Variants in INTS6 observed in about 807,000 individuals in gnomAD.
The protein encoded by INTS6 is DEAD box protein.
A neutral mutation model predicts 104.9 loss-of-function variants in INTS6; 16 were observed. That is an observed-to-expected ratio of 0.15 (90% CI 0.10 to 0.23). INTS6 has a LOEUF of 0.23. Among genes scored for constraint, INTS6 ranks in the 10% least tolerant of loss-of-function variants. The pLI, the probability that INTS6 is intolerant of heterozygous loss-of-function variation, is 1.00. For synonymous variants in INTS6, 324 were observed against 358.7 expected (o/e 0.90, Z 1.09); for missense variants, 584 against 1,062.8 (o/e 0.55, Z 6.26).
intron 4 of INTS6, among the ~76,000 whole-genome samples, chr13:51,399,160 T>C (rs1175536683): frequency 2.6e-5 from 4 of 152,210 alleles, no homozygotes; most frequent in Non-Finnish European, 5.9e-5. Context: ...CTACATACAA[T>C]GGTAGATCGT....
At chr13:51,442,675 G>A (rs1192814962) in intron 3 of INTS6, 2 of 152,588 alleles carry the variant, frequency 1.3e-5, no homozygotes, top group African/African-American at 2.4e-5. Flanking sequence ...AGCAGCATTA[G>A]ATTCTCATAG....
At chr13:51,388,895 C>T (rs943349767) in intron 6 of INTS6, among the ~76,000 whole-genome samples, 1 of 80,128 alleles carries the variant, frequency 1.2e-5, no homozygotes, top group African/African-American at 1.1e-4. Context: ...TCATTTTTGA[C>T]CCACAATAAA....
intron 4 of INTS6, among the ~76,000 whole-genome samples, chr13:51,417,375 T>C (rs1956806607): frequency 1.3e-5 from 2 of 152,090 alleles, no homozygotes; most frequent in South Asian, 4.1e-4. Flanking sequence ...CTTTTGCATA[T>C]AAGGTAGAGG....
At chr13:51,382,894 T>G (rs779253064) in intron 9 of INTS6, among the ~76,000 whole-genome samples, 8 of 152,062 alleles carry the variant, frequency 5.3e-5, no homozygotes, top group Non-Finnish European at 8.8e-5. Flanking sequence ...CTGGTCAACA[T>G]GGTGAAACCC....
Position 51,452,287 on chromosome 13 carries a change from A to C in INTS6, c.111+128T>G. On this transcript the variant is annotated intron_variant, in intron 1 of 17. Coordinates refer to ENST00000311234, the MANE Select transcript of INTS6 (RefSeq NM_012141.3). This position sits in a 1 kb window ranked among gnomAD's most constrained non-coding sequence, Gnocchi z 4.2. Reference sequence around the variant, plus strand: ...CGCCCGCCCGCCCGCGCGGTGGGGGAGGGGGTCCCCGAGCCCGGCAGCTCC... The same window carrying C: ...CGCCCGCCCGCCCGCGCGGTGGGGGCGGGGGTCCCCGAGCCCGGCAGCTCC... The C allele has an allele frequency of 2.1e-6, 2 of 974,394 alleles. No individual in the cohort carries two copies. Among genetic ancestry groups the C allele is most frequent in the Non-Finnish European group, 2.6e-6 (2 of 775,146 alleles). 60.4% of individuals were successfully genotyped at this position (974,394 alleles called of 1,614,324 possible).
At chr13:51,436,363 T>TA (rs1952686959) in intron 3 of INTS6, 2 of 152,176 alleles carry the variant, frequency 1.3e-5, no homozygotes, top group South Asian at 4.1e-4. Context: ...GAAAACATGT[T>TA]AGAATTCCAC....
the INTS6 span, chr13:51,335,657 G>C: frequency 2.0e-5 from 3 of 152,188 alleles, no homozygotes; most frequent in Non-Finnish European, 4.4e-5. Flanking sequence ...CTGTCCAAGG[G>C]CTGTTTGCGC....
intron 6 of INTS6, among the ~76,000 whole-genome samples, chr13:51,388,654 A>G (rs1433106221): frequency 6.6e-6 from 1 of 152,160 alleles, no homozygotes; most frequent in African/African-American, 2.4e-5. Flanking sequence ...TGGCCTCCCA[A>G]AGTGCTAGGA....
At chr13:51,413,429 A>C (rs1007504417) in intron 4 of INTS6, among the ~76,000 whole-genome samples, 2 of 152,188 alleles carry the variant, frequency 1.3e-5, no homozygotes, top group African/African-American at 4.8e-5. Context: ...TAATAAAATC[A>C]GTAAAAATTT....
At chr13:51,450,351 G>GT (rs1357999278) in intron 3 of INTS6, 3 of 985,358 alleles carry the variant, frequency 3.0e-6, no homozygotes, top group East Asian at 1.1e-4. Flanking sequence ...ATACATGAAA[G>GT]TAAGTGCAAT....
chr13:51,428,426 G>T (rs112481972), intron 4 of INTS6, among the ~76,000 whole-genome samples: 1 of 150,970 alleles, frequency 6.6e-6, no homozygotes, highest in African/African-American at 2.4e-5. Flanking sequence ...CTGGGTTCAA[G>T]TGATTCTCCT....
intron 4 of INTS6, among the ~76,000 whole-genome samples, chr13:51,405,047 A>G (rs1244348372): frequency 1.3e-5 from 2 of 152,222 alleles, no homozygotes; most frequent in Non-Finnish European, 2.9e-5. Context: ...CAAACCAGGG[A>G]AGACTTCTCA....
At chr13:51,450,264 C>T (rs1953008372) in intron 3 of INTS6, 2 of 967,584 alleles carry the variant, frequency 2.1e-6, no homozygotes, top group South Asian at 4.8e-5. Flanking sequence ...GCAATAATAT[C>T]ATAAAATGTT....
Position 51,364,443 on chromosome 13 carries a change from A to G in INTS6, c.*1309T>C, listed in dbSNP as rs556983313. The G allele has an allele frequency of 2.2e-4, 112 of 513,016 alleles. No homozygotes were observed. Among genetic ancestry groups the G allele is most frequent in the Non-Finnish European group, 3.5e-4 (102 of 293,924 alleles). The allele number at this position is 513,016 out of a possible 1,614,324, so 31.8% of individuals were successfully genotyped here. A position where few individuals can be genotyped will look rare whatever the true frequency, so the allele number is the denominator to read the frequency against. On this transcript the variant is annotated 3_prime_UTR_variant, in exon 18 of 18. Transcript: ENST00000311234. ...AAAAATACTTCAGTTTTTAAATGTTATAAGTTTATTTTGCCTACTCTTAAT... is the reference window on the plus strand; with the variant it reads ...AAAAATACTTCAGTTTTTAAATGTTGTAAGTTTATTTTGCCTACTCTTAAT...
chr13:51,383,243 C>A, intron 9 of INTS6, 86 bp downstream of exon 9: 3 of 1,142,316 alleles, frequency 2.6e-6, no homozygotes, highest in African/African-American at 1.6e-5. Context: ...CATTGATTTC[C>A]AGAAGACAAG....
intron 4 of INTS6, among the ~76,000 whole-genome samples, chr13:51,411,685 C>T (rs571095593): frequency 7.2e-5 from 11 of 152,182 alleles, no homozygotes; most frequent in African/African-American, 2.2e-4. Context: ...GTTGGAAAGA[C>T]GTAGAGTAAC....
At chr13:51,408,973 G>A (rs1242166728) in intron 4 of INTS6, among the ~76,000 whole-genome samples, 2 of 152,108 alleles carry the variant, frequency 1.3e-5, no homozygotes. Flanking sequence ...CTAGGCAGCT[G>A]CATATCCCTT....
At chr13:51,423,325 G>C (rs1335149600) in intron 4 of INTS6, among the ~76,000 whole-genome samples, 2 of 151,678 alleles carry the variant, frequency 1.3e-5, no homozygotes, top group Admixed American at 6.6e-5. Context: ...GGTAAGGTAG[G>C]GGGTGTGTGT....
At chr13:51,401,239 T>TG (rs1336302350) in intron 4 of INTS6, among the ~76,000 whole-genome samples, 12 of 152,026 alleles carry the variant, frequency 7.9e-5, no homozygotes, top group Non-Finnish European at 1.6e-4. Flanking sequence ...GAAAACTATA[T>TG]ATGCATTCAC....
Sources: allele counts gnomAD v4.1 joint callset (sites outside exome capture counted in the v4.1 genomes callset), GRCh38; gene constraint gnomAD v4.1.1; non-coding constraint Gnocchi (gnomAD v3.1); transcripts MANE v1.5; gene names NCBI Gene and HGNC (gene_info 2026-07-23, HGNC 2026-07-21).